ATRNL1: variants seen among roughly 807,000 people sequenced by gnomAD.
The protein encoded by ATRNL1 is attractin-like protein 1.
ATRNL1 carries 95 observed loss-of-function variants against 182.7 expected under a neutral mutation model. That is an observed-to-expected ratio of 0.52 (90% CI 0.44 to 0.62). The LOEUF (loss-of-function observed/expected upper bound fraction) is 0.62, where lower values mean the gene tolerates loss of function less well. ATRNL1 is among the 20% of genes least tolerant of loss of function. The probability of loss-of-function intolerance (pLI) is 0.00; values close to 1 mark genes in which losing one functional copy is unlikely to be tolerated. For synonymous variants in ATRNL1, 576 were observed against 568.3 expected, an observed-to-expected ratio of 1.01 and a Z score of -0.19; for missense variants, 1,471 against 1,679.5, an observed-to-expected ratio of 0.88 and a Z score of 2.17.
chr10:115,713,719 T>TCTAG (rs1555055464), intron 26 of ATRNL1, among the ~76,000 whole-genome samples: 1 of 151,430 alleles, frequency 6.6e-6, no homozygotes, highest in African/African-American at 2.4e-5. Flanking sequence ...TATCTATCTA[T>TCTAG]CTATCTATCT....
intron 27 of ATRNL1, among the ~76,000 whole-genome samples, chr10:115,821,219 C>T (rs1164392814): frequency 6.6e-6 from 1 of 152,062 alleles, no homozygotes; most frequent in Non-Finnish European, 1.5e-5. Flanking sequence ...AAAGCACCTA[C>T]CTCATAAATA....
rs77203287 is a variant in ATRNL1 at position 115,274,209 on chromosome 10, C to T, written c.2100+5765C>T. Among the ~76,000 whole-genome samples, 564 of 152,270 alleles carry T rather than the reference C, an allele frequency of 3.7e-3. 14 individuals are homozygous for T. The East Asian group carries it at 0.059, about 16-fold the overall frequency. Reference sequence around the variant, plus strand: ...CTGCAGGATCATGTAGCCCAACTGGCAGAGCTTGTATAGTACTCTGGACCT... The same window carrying T: ...CTGCAGGATCATGTAGCCCAACTGGTAGAGCTTGTATAGTACTCTGGACCT... On this transcript the variant is annotated intron_variant, in intron 13 of 28. Transcript: ENST00000355044.
chr10:115,920,311 G>A (rs765146660), intron 28 of ATRNL1, among the ~76,000 whole-genome samples: 7 of 152,140 alleles, frequency 4.6e-5, no homozygotes, highest in Non-Finnish European at 1.0e-4. Context: ...TATCAGGCAC[G>A]TGAAGTTGTG....
chr10:115,508,523 A>G (rs1850228192), intron 24 of ATRNL1, among the ~76,000 whole-genome samples: 1 of 152,072 alleles, frequency 6.6e-6, no homozygotes, highest in Admixed American at 6.6e-5. Flanking sequence ...CAAAGGAAAA[A>G]TTCTTGAAGG....
intron 24 of ATRNL1, among the ~76,000 whole-genome samples, chr10:115,502,526 G>A (rs1849896640): frequency 6.6e-6 from 1 of 151,962 alleles, no homozygotes. Flanking sequence ...AGTAAAAATA[G>A]CATGAAGCCA....
chr10:115,552,070 G>A (rs1853022974), intron 26 of ATRNL1, among the ~76,000 whole-genome samples: 1 of 151,214 alleles, frequency 6.6e-6, no homozygotes, highest in African/African-American at 2.4e-5. Flanking sequence ...TATATATAGG[G>A]CTTAGTAGTA....
At chr10:115,673,050 T>G (rs559499500) in intron 26 of ATRNL1, among the ~76,000 whole-genome samples, 1 of 152,120 alleles carries the variant, frequency 6.6e-6, no homozygotes, top group South Asian at 2.1e-4. Context: ...ATGGTCCCCT[T>G]ATTTACCAAA....
Position 115,129,387 on chromosome 10 carries a change from T to G in ATRNL1, c.681T>G (p.Val227=). 4.3e-6 allele frequency: 7 copies of G among 1,614,054 alleles called. No individual in the cohort carries two copies. Among genetic ancestry groups the G allele is most frequent in the Non-Finnish European group, 5.9e-6 (7 of 1,179,904 alleles). Residue 227 remains valine (V), a synonymous_variant, in exon 5 of 29, where the codon GTT becomes GTG. Coordinates refer to ENST00000355044, the MANE Select transcript of ATRNL1 (RefSeq NM_207303.4). The part of the protein sequence containing the change: ...GHGKCTTSVS[V]PSQVYCECDK... ...GGAAGTGTACAACTAGTGTCTCTGT[T>G]CCAAGTCAAGTATATTGTGAATGTG... is the stretch of plus-strand genomic sequence containing the variant.
intron 5 of ATRNL1, among the ~76,000 whole-genome samples, chr10:115,133,852 A>T (rs974022412): frequency 1.5e-4 from 23 of 152,316 alleles, no homozygotes; most frequent in Admixed American, 7.8e-4. Context: ...GCTGTCTCTC[A>T]GACCACAGTG....
At chr10:115,191,442 T>G (rs1554889821) in intron 8 of ATRNL1, among the ~76,000 whole-genome samples, 2 of 152,100 alleles carry the variant, frequency 1.3e-5, no homozygotes, top group South Asian at 4.1e-4. Flanking sequence ...ATAATTTTGA[T>G]TGTATTTATC....
rs1214572707 is a variant in ATRNL1, at chr10:115,934,257, A to G, written c.4019-10401A>G. 3.9e-5 allele frequency among the ~76,000 whole-genome samples: 6 copies of G among 152,154 alleles called. 1 individual carries two copies. Among genetic ancestry groups the G allele is most frequent in the African/African-American group, 1.4e-4 (6 of 41,438 alleles). On this transcript the variant is annotated intron_variant, in intron 28 of 28. Transcript: ENST00000355044. ...TTTACATAGTGAGAAACAAACTTCG[A>G]TTTTGTTAAACCCTTGAGATTTCAG... is the stretch of plus-strand genomic sequence containing the variant.
At chr10:115,175,189 G>A (rs1847452640) in intron 8 of ATRNL1, among the ~76,000 whole-genome samples, 1 of 151,962 alleles carries the variant, frequency 6.6e-6, no homozygotes, top group Non-Finnish European at 1.5e-5. Flanking sequence ...ATAATTCACA[G>A]TTGGCAGAAT....
chr10:115,272,756 GAA>G lies in ATRNL1; in HGVS notation c.2100+4313_2100+4314del, dbSNP rs376962487. Among the ~76,000 whole-genome samples, 105 of 152,232 alleles carry G rather than the reference GAA, an allele frequency of 6.9e-4. 2 individuals carry two copies. In the South Asian group the frequency reaches 0.021, roughly 31 times the overall value. On this transcript the variant is annotated intron_variant, in intron 13 of 28. Transcript: ENST00000355044. Reference sequence around the variant, plus strand: ...TTACTACGTAGCTGGCACTGTAACTGAATCATCAAAAGCCCATTCCACTGTTT... The same window carrying G: ...TTACTACGTAGCTGGCACTGTAACTGTCATCAAAAGCCCATTCCACTGTTT...
intron 26 of ATRNL1, among the ~76,000 whole-genome samples, chr10:115,710,234 ATG>A (rs1167957108): frequency 6.6e-6 from 1 of 152,094 alleles, no homozygotes; most frequent in African/African-American, 2.4e-5. Context: ...TACTTTGTTT[ATG>A]TGATAGTCCT....
intron 26 of ATRNL1, among the ~76,000 whole-genome samples, chr10:115,626,826 A>G (rs2804245): frequency 0.97 from 147,524 of 152,212 alleles, 71,687 homozygotes; most frequent in East Asian, 1. Context: ...CCAGAGTAGC[A>G]TCTGCATATG....
At chr10:115,858,198 C>T (rs10787607) in intron 28 of ATRNL1, among the ~76,000 whole-genome samples, 24,257 of 152,132 alleles carry the variant, frequency 0.16, 2,363 homozygotes, top group South Asian at 0.28. Flanking sequence ...TGAGTGTTTA[C>T]GCAAAGGAAT....
chr10:115,793,732 T>C (rs1217411289), intron 27 of ATRNL1, among the ~76,000 whole-genome samples: 3 of 152,134 alleles, frequency 2.0e-5, no homozygotes, highest in Admixed American at 6.6e-5. Context: ...CTTGGACCAA[T>C]AGAAACTGAA....
chr10:115,321,856 G>A (rs1250965851), intron 18 of ATRNL1, among the ~76,000 whole-genome samples: 2 of 151,954 alleles, frequency 1.3e-5, no homozygotes, highest in East Asian at 1.9e-4. Flanking sequence ...AATCTTATAT[G>A]TAGAAAAGCA....
At chr10:115,783,735 C>T (rs1378880594) in intron 27 of ATRNL1, among the ~76,000 whole-genome samples, 1 of 152,068 alleles carries the variant, frequency 6.6e-6, no homozygotes, top group Non-Finnish European at 1.5e-5. Context: ...TGATTCGGGG[C>T]CGGGCGCGGT....
Sources: allele counts gnomAD v4.1 joint callset (sites outside exome capture counted in the v4.1 genomes callset), GRCh38; gene constraint gnomAD v4.1.1; transcripts MANE v1.5; gene names NCBI Gene and HGNC (gene_info 2026-07-23, HGNC 2026-07-21).